Variants in TCN2 observed in about 807,000 individuals in gnomAD.
TCN2 encodes transcobalamin-2.
Under a neutral mutation model 48.6 loss-of-function variants are expected in TCN2, and 34 were observed. The ratio of observed to expected loss-of-function variants is 0.70; its 90% CI spans 0.53 to 0.93. The LOEUF (loss-of-function observed/expected upper bound fraction) is 0.93. TCN2 is among the 40% of genes least tolerant of loss of function. The probability of loss-of-function intolerance (pLI) is 0.00; values close to 1 mark genes in which losing one functional copy is unlikely to be tolerated. For missense variants in TCN2, 652 were observed against 526.1 expected, an observed-to-expected ratio of 1.24 and a Z score of -2.34; for synonymous variants, 283 against 212.5, an observed-to-expected ratio of 1.33 and a Z score of -2.89.
At position 30,624,023 on chromosome 22, in the gene TCN2, CAT is replaced by C. The variant is rs1202974847; in HGVS notation, c.1222+947_1222+948del. On this transcript the variant is annotated intron_variant, in intron 8 of 8. Transcript: ENST00000215838. ...ATATATATGTATACATATATACACA[CAT>C]ATATATGTATACATATATACACACA... 1.1e-4 allele frequency among the ~76,000 whole-genome samples: 6 copies of C among 54,856 alleles called. 2 individuals are homozygous for C. The highest frequency in any genetic ancestry group is 2.4e-4 in the African/African-American group (1 of 4,160). 36.0% of individuals were successfully genotyped at this position (54,856 alleles called of 152,430 possible).
intron 4 of TCN2, among the ~76,000 whole-genome samples, 186 bp downstream of exon 4, chr22:30,614,687 G>T (rs2087588098): frequency 1.3e-5 from 2 of 152,182 alleles, no homozygotes; most frequent in African/African-American, 4.8e-5. Context: ...CTTTGGAGCT[G>T]GTAGGTGGAT....
chr22:30,612,389 A>C (rs1364800921), intron 2 of TCN2, among the ~76,000 whole-genome samples: 1 of 152,100 alleles, frequency 6.6e-6, no homozygotes, highest in African/African-American at 2.4e-5. Context: ...TCTCTACTGA[A>C]AATACAAAAA....
intron 8 of TCN2, among the ~76,000 whole-genome samples, chr22:30,623,582 T>C (rs765911070): frequency 2.0e-4 from 30 of 151,664 alleles, no homozygotes; most frequent in Admixed American, 4.0e-4. Context: ...CTAGATACTT[T>C]TTAAAAATAT....
chr22:30,620,839 A>T (rs1489128170), intron 7 of TCN2, among the ~76,000 whole-genome samples: 2 of 152,216 alleles, frequency 1.3e-5, no homozygotes, highest in Non-Finnish European at 2.9e-5. Context: ...CAGCAGAGAA[A>T]GCTCAACTGC....
intron 6 of TCN2, among the ~76,000 whole-genome samples, chr22:30,616,759 C>A (rs925002503): frequency 1.3e-5 from 2 of 152,138 alleles, no homozygotes; most frequent in African/African-American, 4.8e-5. Flanking sequence ...CGAGATCGCG[C>A]CATTGCACTT....
At chr22:30,608,201 G>C (rs7289549) in intron 1 of TCN2, among the ~76,000 whole-genome samples, 27,744 of 152,060 alleles carry the variant, frequency 0.18, 3,338 homozygotes, top group East Asian at 0.38. Flanking sequence ...GGATTACGTT[G>C]AGCAATACAC....
At chr22:30,626,420 C>G (rs775507135) in intron 8 of TCN2, 40 bp from the exon 9 acceptor site, 6 of 1,608,944 alleles carry the variant, frequency 3.7e-6, no homozygotes, top group Non-Finnish European at 5.1e-6. Context: ...GTGCGATATT[C>G]TGCCCAATTC....
At chr22:30,618,740 G>A (rs1167994228) in intron 7 of TCN2, among the ~76,000 whole-genome samples, 4 of 152,090 alleles carry the variant, frequency 2.6e-5, no homozygotes, top group African/African-American at 9.7e-5. Context: ...AATTATCCAA[G>A]TAACAGGGAC....
At chr22:30,611,568 C>T (rs993850028) in intron 2 of TCN2, among the ~76,000 whole-genome samples, 4 of 152,244 alleles carry the variant, frequency 2.6e-5, no homozygotes, top group Admixed American at 2.6e-4. Context: ...AGTGCAGTGG[C>T]ACAATCTTGG....
intron 8 of TCN2, among the ~76,000 whole-genome samples, chr22:30,623,869 T>C (rs1329524599): frequency 2.9e-5 from 2 of 68,500 alleles, no homozygotes; most frequent in Admixed American, 1.7e-4. Flanking sequence ...TACACACATA[T>C]ATACACACAT....
intron 4 of TCN2, 124 bp downstream of exon 4, chr22:30,614,625 T>C: frequency 7.1e-7 from 1 of 1,400,864 alleles, no homozygotes; most frequent in Non-Finnish European, 9.8e-7. Context: ...AATCAAGTCC[T>C]TTAGGGACGA....
At chr22:30,624,469 T>C (rs929457456) in intron 8 of TCN2, among the ~76,000 whole-genome samples, 1 of 152,146 alleles carries the variant, frequency 6.6e-6, no homozygotes, top group East Asian at 1.9e-4. Context: ...GCACTTACCA[T>C]GTGTCAAGCA....
intron 7 of TCN2, among the ~76,000 whole-genome samples, chr22:30,619,417 A>G (rs952809061): frequency 4.6e-5 from 7 of 152,206 alleles, no homozygotes; most frequent in Admixed American, 1.3e-4. Context: ...GTTTGGCCCT[A>G]TCCTGTTATT....
chr22:30,615,175 T>G (rs1166740159), intron 4 of TCN2, 126 bp from the exon 5 acceptor site: 1 of 968,066 alleles, frequency 1.0e-6, no homozygotes, highest in Non-Finnish European at 1.6e-6. Flanking sequence ...GATCTGACCA[T>G]GTTGCCCTTC....
In TCN2 at chr22:30,623,711, TACAGACACAC is replaced by T. The variant is rs1364429674; in HGVS notation, c.1222+630_1222+639del. Among the ~76,000 whole-genome samples the T allele has an allele frequency of 2.4e-4, 29 of 118,516 alleles. 1 individual carries two copies. The highest frequency in any genetic ancestry group is 1.0e-3 in the African/African-American group (27 of 27,012). The allele number at this position is 118,516 out of a possible 152,430, so 77.8% of individuals were successfully genotyped here. On this transcript the variant is annotated intron_variant, in intron 8 of 8. Transcript: ENST00000215838. ...TACATATATATGAAATATATATATATACAGACACACATATATATGTATACATATATATACA... is the reference window on the plus strand; with the variant it reads ...TACATATATATGAAATATATATATATATATATATGTATACATATATATACA...
At chr22:30,618,873 G>A (rs73396395) in intron 7 of TCN2, among the ~76,000 whole-genome samples, 17,217 of 151,954 alleles carry the variant, frequency 0.11, 2,179 homozygotes, top group African/African-American at 0.3. Context: ...AGGTTCAAGC[G>A]ATTCTCCTTC....
At position 30,607,305 on chromosome 22, in the gene TCN2, C is replaced by G; in HGVS notation, c.-27C>G. 6.2e-7 allele frequency: 1 copy of G among 1,614,078 alleles called. No individual in the cohort carries two copies. The highest frequency in any genetic ancestry group is 8.5e-7 in the Non-Finnish European group (1 of 1,179,954). ...CCCCAGGAGTCTTTCCCGATTCTTG[C>G]TCACTGCTCACCCACCTGCTGCTGC... On this transcript the variant is annotated 5_prime_UTR_variant, in exon 1 of 9. Transcript: ENST00000215838.
chr22:30,625,094 T>C (rs2087785239), intron 8 of TCN2, among the ~76,000 whole-genome samples: 1 of 152,134 alleles, frequency 6.6e-6, no homozygotes, highest in Non-Finnish European at 1.5e-5. Flanking sequence ...GGCGGGCACC[T>C]GTAATCCCAG....
chr22:30,607,533 A>G (rs932159745), intron 1 of TCN2, 138 bp downstream of exon 1: 1 of 792,694 alleles, frequency 1.3e-6, no homozygotes, highest in East Asian at 2.7e-5. Flanking sequence ...AGCATTTAAC[A>G]CATCCTATTG....
Sources: gnomAD v4.1 joint callset for allele counts (sites outside exome capture counted in the v4.1 genomes callset) on GRCh38, gnomAD v4.1.1 for gene constraint, MANE v1.5 for transcripts, NCBI Gene and HGNC (gene_info 2026-07-23, HGNC 2026-07-21) for gene names.